Variants in CEP57L1 observed in about 807,000 individuals in gnomAD.
CEP57L1 encodes the protein centrosomal protein CEP57L1.
A neutral mutation model predicts 61.0 loss-of-function variants in CEP57L1; 37 were observed. The observed-to-expected ratio is 0.61, with a 90% CI of 0.47 to 0.80. CEP57L1 has a LOEUF of 0.80. CEP57L1 is among the 30% of genes least tolerant of loss of function. The probability of loss-of-function intolerance (pLI) is 0.00; values close to 1 mark genes in which losing one functional copy is unlikely to be tolerated. For missense variants in CEP57L1, 422 were observed against 524.7 expected, an observed-to-expected ratio of 0.80 and a Z score of 1.91; for synonymous variants, 137 against 162.3, an observed-to-expected ratio of 0.84 and a Z score of 1.19.
At chr6:109,110,400 C>G (rs934965151) in intron 1 of CEP57L1, among the ~76,000 whole-genome samples, 1 of 151,968 alleles carries the variant, frequency 6.6e-6, no homozygotes, top group Non-Finnish European at 1.5e-5. Flanking sequence ...TTGATTTTTT[C>G]TTGTAAATCT....
intron 1 of CEP57L1, among the ~76,000 whole-genome samples, chr6:109,139,459 T>G (rs1771105468): frequency 6.6e-6 from 1 of 151,962 alleles, no homozygotes; most frequent in Non-Finnish European, 1.5e-5. Flanking sequence ...CCATCTCGCC[T>G]GGCTGAATTT....
At chr6:109,128,763 A>G (rs991542963) in intron 1 of CEP57L1, among the ~76,000 whole-genome samples, 1 of 152,222 alleles carries the variant, frequency 6.6e-6, no homozygotes, top group Non-Finnish European at 1.5e-5. Flanking sequence ...CAATGATTAT[A>G]CATTCTGTCT....
rs970586907 is a variant in CEP57L1, at chr6:109,160,810, A to G, written c.1161+94A>G. ...ATGACTTTCCAAATTTGAGGTCTGT[A>G]TATGGGATTTAGTGAAAAGATGGAT... On this transcript the variant is annotated intron_variant, in intron 10 of 10. Coordinates refer to ENST00000517392, the MANE Select transcript of CEP57L1 (RefSeq NM_001271852.3). 18 of 1,233,192 alleles carry G rather than the reference A, an allele frequency of 1.5e-5. No individual in the cohort carries two copies. The East Asian group carries it at 4.1e-4, about 28-fold the overall frequency. 76.4% of individuals were successfully genotyped at this position (1,233,192 alleles called of 1,614,324 possible).
At chr6:109,156,081 C>T (rs919797402) in intron 7 of CEP57L1, 4 of 374,950 alleles carry the variant, frequency 1.1e-5, no homozygotes, top group Admixed American at 9.6e-5. Context: ...AAAGTAGCAG[C>T]AGTCATGTAC....
chr6:109,159,004 T>C (rs1218386863), intron 7 of CEP57L1, 21 bp from the exon 8 acceptor site: 1 of 1,588,688 alleles, frequency 6.3e-7, no homozygotes, highest in Admixed American at 1.8e-5. Flanking sequence ...TTGTTTACGT[T>C]TTTTTCTTGC....
intron 3 of CEP57L1, among the ~76,000 whole-genome samples, chr6:109,147,442 T>TG (rs1241266836): frequency 5.3e-5 from 8 of 152,144 alleles, no homozygotes; most frequent in African/African-American, 1.9e-4. Flanking sequence ...GTGGAAATTA[T>TG]GAAAAATTTT....
At chr6:109,155,731 C>A in intron 6 of CEP57L1, 60 bp from the exon 7 acceptor site, 1 of 823,860 alleles carries the variant, frequency 1.2e-6, no homozygotes, top group Non-Finnish European at 2.0e-6. Context: ...CCTGATATCT[C>A]ATTACAGTGT....
intron 1 of CEP57L1, among the ~76,000 whole-genome samples, chr6:109,109,706 C>T (rs1270392852): frequency 6.6e-6 from 1 of 152,198 alleles, no homozygotes; most frequent in Non-Finnish European, 1.5e-5. Context: ...AACCCCGTGA[C>T]AGGCCCGGGT....
intron 1 of CEP57L1, among the ~76,000 whole-genome samples, chr6:109,137,913 G>T (rs969273501): frequency 2.6e-5 from 4 of 152,226 alleles, no homozygotes; most frequent in African/African-American, 9.6e-5. Context: ...ATAAAGAATG[G>T]TCAGCAGATA....
intron 1 of CEP57L1, among the ~76,000 whole-genome samples, chr6:109,125,974 ATG>A (rs938754083): frequency 6.6e-6 from 1 of 152,146 alleles, no homozygotes; most frequent in African/African-American, 2.4e-5. Flanking sequence ...AAAGCACAAT[ATG>A]TGTGTGTGTT....
intron 7 of CEP57L1, chr6:109,157,899 A>T (rs1363637491): frequency 6.6e-6 from 1 of 151,550 alleles, no homozygotes; most frequent in African/African-American, 2.4e-5. Context: ...TCATGTCACC[A>T]TCACAATAAT....
Position 109,174,387 on chromosome 6 carries a change from C to A in CEP57L1, c.*11417C>A, listed in dbSNP as rs997329175. Among the ~76,000 whole-genome samples the A allele has an allele frequency of 6.6e-6, 1 of 152,150 alleles. No homozygotes were observed. The highest frequency in any genetic ancestry group is 1.5e-5 in the Non-Finnish European group (1 of 68,022). ...TTCTGTAAAGTTTCTACCCTTTGCT[C>A]TAAAGTTACATAAAAACAATTTCCA... On this transcript the variant is annotated 3_prime_UTR_variant, in exon 11 of 11. Transcript: ENST00000517392.
rs1373917948 is a variant in CEP57L1 at position 109,146,915 on chromosome 6, G to A, written c.318G>A (p.Gln106=). The change falls in exon 3 of 11, where the codon CAG becomes CAA. Residue 106 remains glutamine, a synonymous_variant. Coordinates refer to ENST00000517392, the MANE Select transcript of CEP57L1 (RefSeq NM_001271852.3). ...CAAATGAGAGAAATCTGGCACACCA[G>A]GAGCTGATAAAGCAGAAAAAAGGTA... The part of the protein sequence containing the change: ...NETNERNLAH[Q]ELIKQKKDIS... 1 of 1,607,518 alleles carries A rather than the reference G, an allele frequency of 6.2e-7. No individual in the cohort carries two copies. The highest frequency in any genetic ancestry group is 8.5e-7 in the Non-Finnish European group (1 of 1,177,654).
intron 5 of CEP57L1, among the ~76,000 whole-genome samples, chr6:109,154,325 G>A (rs11754836): frequency 1.1e-3 from 162 of 151,838 alleles, no homozygotes; most frequent in Non-Finnish European, 1.8e-3. Flanking sequence ...TCTCACAGTC[G>A]TACTTCCCCT....
rs773389809 is a variant in CEP57L1 at position 109,153,891 on chromosome 6, A to T, written c.521A>T (p.Lys174Met). 6.2e-7 allele frequency: 1 copy of T among 1,612,838 alleles called. No individual in the cohort carries two copies. The highest frequency in any genetic ancestry group is 1.1e-5 in the South Asian group (1 of 90,930). The change falls in exon 5 of 11, where the codon AAG becomes ATG. Residue 174 changes from lysine (K) to methionine (M), a missense_variant. Coordinates refer to ENST00000517392, the MANE Select transcript of CEP57L1 (RefSeq NM_001271852.3). ...ATGAAGCTGTATGCAAAACTTGAAA[A>T]GCTTGATGTCTTAGAAAAAGAGTGT... The part of the protein sequence containing the change: ...DQMKLYAKLE[K>M]LDVLEKECFR...
rs991086582 is a variant in CEP57L1 at position 109,168,974 on chromosome 6, T to C, written c.*6004T>C. Among the ~76,000 whole-genome samples, 2 of 150,818 alleles carry C rather than the reference T, an allele frequency of 1.3e-5. No homozygotes were observed. The highest frequency in any genetic ancestry group is 3.0e-5 in the Non-Finnish European group (2 of 67,774). On this transcript the variant is annotated 3_prime_UTR_variant, in exon 11 of 11. Coordinates refer to ENST00000517392, the MANE Select transcript of CEP57L1 (RefSeq NM_001271852.3). ...TGCGATGGCTCACGCCTGTAAAATC[T>C]TAACACTTTAGGAGGCCGAGGCGGG...
intron 10 of CEP57L1, 175 bp downstream of exon 10, chr6:109,160,891 G>C (rs1773661803): frequency 4.1e-6 from 2 of 487,586 alleles, no homozygotes; most frequent in Non-Finnish European, 6.8e-6. Context: ...GGAATAACAT[G>C]GACCTCCTAC....
At chr6:109,136,913 G>A (rs1053144055) in intron 1 of CEP57L1, among the ~76,000 whole-genome samples, 2 of 151,774 alleles carry the variant, frequency 1.3e-5, no homozygotes, top group Non-Finnish European at 2.9e-5. Flanking sequence ...GCGCCACTGC[G>A]CCCTACAATG....
At position 109,162,917 on chromosome 6, in the gene CEP57L1, G is replaced by C. The variant is rs373947557; in HGVS notation, c.1330G>C (p.Val444Leu). The change falls in exon 11 of 11, where the codon GTT (valine) becomes CTT (leucine). Residue 444 changes from valine to leucine, a missense_variant. By Grantham distance (32) the Val-to-Leu change is conservative. Coordinates refer to ENST00000517392, the MANE Select transcript of CEP57L1 (RefSeq NM_001271852.3). ...AAACAGCAGCTTTCATCCAATACGA[G>C]TTCATAATCTTCAAATGAAATTGAG... ...QKNSSFHPIRVHNLQMKLRRD... is the reference protein window; with the variant it reads ...QKNSSFHPIRLHNLQMKLRRD... 5.0e-5 allele frequency: 81 copies of C among 1,613,046 alleles called. 1 individual carries two copies. In the African/African-American group the frequency reaches 1.0e-3, roughly 20 times the overall value.
Sources: gnomAD v4.1 joint callset for allele counts (sites outside exome capture counted in the v4.1 genomes callset) on GRCh38, gnomAD v4.1.1 for gene constraint, MANE v1.5 for transcripts, NCBI Gene and HGNC (gene_info 2026-07-23, HGNC 2026-07-21) for gene names.